Variants in RBL2 observed in about 807,000 individuals in gnomAD.
RBL2 encodes the protein retinoblastoma-like protein 2.
RBL2 carries 56 observed loss-of-function variants against 126.0 expected under a neutral mutation model. The observed-to-expected ratio is 0.44, with a 90% CI of 0.36 to 0.56. RBL2 has a LOEUF of 0.56. Among genes scored for constraint, RBL2 ranks in the 20% least tolerant of loss-of-function variants. The pLI, the probability that RBL2 is intolerant of heterozygous loss-of-function variation, is 0.00. For missense variants in RBL2, 1,229 were observed against 1,398.2 expected, an observed-to-expected ratio of 0.88 and a Z score of 1.93; for synonymous variants, 454 against 478.5, an observed-to-expected ratio of 0.95 and a Z score of 0.67.
chr16:53,473,828 C>A (rs1297632272), intron 17 of RBL2, among the ~76,000 whole-genome samples: 1 of 151,684 alleles, frequency 6.6e-6, no homozygotes, highest in Non-Finnish European at 1.5e-5. Context: ...TTTCTTAGTT[C>A]ATTGAGTGTT....
chr16:53,490,274 G>T lies in RBL2; in HGVS notation c.3394G>T (p.Val1132Leu), dbSNP rs761504459. The change falls in exon 22 of 22, where the codon GTA becomes TTA. Residue 1132 changes from valine to leucine, a missense_variant. Val to Leu is a conservative substitution (Grantham distance 32). Coordinates refer to ENST00000262133, the MANE Select transcript of RBL2 (RefSeq NM_005611.4). ...HSALLRRLQDVANDRGSH is the reference protein window; with the variant it reads ...HSALLRRLQDLANDRGSH ...TGCCTTATTACGCCGTCTCCAAGAT[G>T]TAGCTAATGACCGTGGTTCCCACTG... 2 of 1,611,258 alleles carry T rather than the reference G, an allele frequency of 1.2e-6. No individual in the cohort carries two copies. The highest frequency in any genetic ancestry group is 2.2e-5 in the South Asian group (2 of 90,494).
intron 17 of RBL2, among the ~76,000 whole-genome samples, chr16:53,475,364 T>A (rs1370229926): frequency 2.6e-5 from 4 of 152,096 alleles, no homozygotes; most frequent in African/African-American, 7.2e-5. Context: ...TACAGGCCTG[T>A]GCCACCTCGC....
intron 1 of RBL2, among the ~76,000 whole-genome samples, chr16:53,436,959 G>A (rs761643672): frequency 1.3e-5 from 2 of 152,130 alleles, no homozygotes; most frequent in Non-Finnish European, 2.9e-5. Flanking sequence ...AAAGAGCTTC[G>A]CGCTCCATTT....
At chr16:53,483,716 C>G (rs1245759331) in intron 21 of RBL2, among the ~76,000 whole-genome samples, 2 of 151,982 alleles carry the variant, frequency 1.3e-5, no homozygotes, top group Non-Finnish European at 2.9e-5. Flanking sequence ...CATGGTGAAA[C>G]CCCATCTCTG....
At chr16:53,462,490 A>T in intron 10 of RBL2, 62 bp from the exon 11 acceptor site, 1 of 962,412 alleles carries the variant, frequency 1.0e-6, no homozygotes, top group East Asian at 2.7e-5. Flanking sequence ...AGGAGGAGGA[A>T]TGGGCCTTTA....
At chr16:53,477,915 G>T (rs1277960943) in intron 17 of RBL2, among the ~76,000 whole-genome samples, 1 of 152,114 alleles carries the variant, frequency 6.6e-6, no homozygotes, top group East Asian at 1.9e-4. Context: ...TTCATGTGTA[G>T]TGTTGTCCAG....
chr16:53,444,626 T>C (rs554782543), intron 3 of RBL2, among the ~76,000 whole-genome samples: 2 of 151,926 alleles, frequency 1.3e-5, no homozygotes, highest in East Asian at 3.9e-4. Context: ...GGCAGGTGGA[T>C]TGCTTGAGGT....
At chr16:53,446,894 C>G (rs1311154893) in intron 3 of RBL2, 148 bp from the exon 4 acceptor site, 4 of 427,728 alleles carry the variant, frequency 9.4e-6, no homozygotes, top group Non-Finnish European at 1.7e-5. Context: ...TTTGTTAAGG[C>G]AGAACGTCCA....
At position 53,481,090 on chromosome 16, in the gene RBL2, C is replaced by T. The variant is rs184285031; in HGVS notation, c.3084+321C>T. 21 of 206,776 alleles carry T rather than the reference C, an allele frequency of 1.0e-4. No homozygotes were observed. In the East Asian group the frequency reaches 1.1e-3, roughly 11 times the overall value. 12.8% of individuals were successfully genotyped at this position (206,776 alleles called of 1,614,324 possible). ...AGGAGAATTGTTTGAACATGGGAGG[C>T]GGTGGTTGCAGTGACCTGAGATTGT... On this transcript the variant is annotated intron_variant, in intron 20 of 21. Coordinates refer to ENST00000262133, the MANE Select transcript of RBL2 (RefSeq NM_005611.4).
At chr16:53,438,487 A>G (rs1433696633) in intron 1 of RBL2, among the ~76,000 whole-genome samples, 3 of 152,194 alleles carry the variant, frequency 2.0e-5, no homozygotes, top group African/African-American at 7.2e-5. Context: ...ACCCTTGCCC[A>G]GGTCCAAGGT....
At chr16:53,478,354 A>G (rs922548019) in intron 17 of RBL2, among the ~76,000 whole-genome samples, 3 of 152,126 alleles carry the variant, frequency 2.0e-5, no homozygotes, top group African/African-American at 7.2e-5. Context: ...TGGATATGTA[A>G]TTTAATAAAT....
At chr16:53,471,846 C>T (rs1298940645) in intron 17 of RBL2, among the ~76,000 whole-genome samples, 1 of 152,190 alleles carries the variant, frequency 6.6e-6, no homozygotes, top group Non-Finnish European at 1.5e-5. Flanking sequence ...TGGTTGTATA[C>T]TCACCACCTC....
chr16:53,464,107 C>A, intron 11 of RBL2, 119 bp from the exon 12 acceptor site: 1 of 748,638 alleles, frequency 1.3e-6, no homozygotes, highest in Non-Finnish European at 2.0e-6. Flanking sequence ...AATAAGGACA[C>A]ACTTTGCACT....
At chr16:53,464,449 A>G (rs1446495794) in intron 12 of RBL2, 86 bp downstream of exon 12, 4 of 1,151,970 alleles carry the variant, frequency 3.5e-6, no homozygotes, top group Non-Finnish European at 4.9e-6. Flanking sequence ...GTTAACATCT[A>G]AGAACATTTA....
intron 12 of RBL2, chr16:53,464,865 C>G (rs1464008006): frequency 6.6e-6 from 1 of 152,462 alleles, no homozygotes; most frequent in African/African-American, 2.4e-5. Flanking sequence ...GCCATCTCAG[C>G]TCACAGCAAG....
intron 8 of RBL2, among the ~76,000 whole-genome samples, chr16:53,456,336 C>T (rs990365984): frequency 2.0e-5 from 3 of 152,144 alleles, no homozygotes; most frequent in African/African-American, 7.2e-5. Flanking sequence ...GACTGATTTA[C>T]ATTTTTAAAG....
intron 21 of RBL2, among the ~76,000 whole-genome samples, chr16:53,487,179 GATTT>G (rs1184184889): frequency 2.6e-5 from 4 of 152,150 alleles, no homozygotes; most frequent in African/African-American, 9.7e-5. Flanking sequence ...AATCCAAACA[GATTT>G]ATGTAAAAAA....
intron 8 of RBL2, among the ~76,000 whole-genome samples, chr16:53,457,973 G>A (rs552052612): frequency 1.3e-5 from 2 of 152,290 alleles, no homozygotes; most frequent in Non-Finnish European, 1.5e-5. Context: ...TGTAGGCATC[G>A]GTTCATGCAC....
intron 4 of RBL2, among the ~76,000 whole-genome samples, chr16:53,451,381 C>G (rs915363305): frequency 6.6e-6 from 1 of 151,724 alleles, no homozygotes; most frequent in African/African-American, 2.4e-5. Context: ...TGGCGTGTAC[C>G]TGTAATTTCA....
Sources: allele counts gnomAD v4.1 joint callset (sites outside exome capture counted in the v4.1 genomes callset), GRCh38; gene constraint gnomAD v4.1.1; transcripts MANE v1.5; gene names NCBI Gene and HGNC (gene_info 2026-07-23, HGNC 2026-07-21).